The following ERBB4 variants were observed in gnomAD, a reference collection of about 807,000 sequenced individuals.
ERBB4 encodes erb-b2 receptor tyrosine kinase 4.
Under a neutral mutation model 158.0 loss-of-function variants are expected in ERBB4, and 42 were observed. That is an observed-to-expected ratio of 0.27 (90% CI 0.21 to 0.34). The LOEUF is 0.34. Ranked by LOEUF, ERBB4 falls within the 10% of genes least tolerant of loss-of-function variation. ERBB4 has a pLI of 1.00. For synonymous variants in ERBB4, 583 were observed against 558.7 expected, an observed-to-expected ratio of 1.04 and a Z score of -0.61; for missense variants, 1,333 against 1,624.1, an observed-to-expected ratio of 0.82 and a Z score of 3.08.
intron 25 of ERBB4, among the ~76,000 whole-genome samples, chr2:211,390,751 T>C (rs1480685353): frequency 6.6e-6 from 1 of 152,212 alleles, no homozygotes; most frequent in African/African-American, 2.4e-5. Context: ...GTCAGCAACC[T>C]GCCAACTCTG....
chr2:211,820,453 C>G (rs541894501), intron 3 of ERBB4, among the ~76,000 whole-genome samples: 1 of 151,832 alleles, frequency 6.6e-6, no homozygotes, highest in Non-Finnish European at 1.5e-5. Flanking sequence ...TATCTCCCAA[C>G]AAAGAAAAGT....
chr2:211,596,515 C>T, intron 19 of ERBB4, among the ~76,000 whole-genome samples: 1 of 152,140 alleles, frequency 6.6e-6, no homozygotes, highest in African/African-American at 2.4e-5. Context: ...TCACTTTTCT[C>T]TATGTGTCAG....
rs117466844 is a variant in ERBB4, at chr2:212,210,360, A to G, written c.83-85457T>C. Among the ~76,000 whole-genome samples the G allele has an allele frequency of 3.3e-5, 5 of 152,242 alleles. No individual in the cohort carries two copies. The East Asian group carries it at 9.7e-4, about 29-fold the overall frequency. On this transcript the variant is annotated intron_variant, in intron 1 of 27. Transcript: ENST00000342788. ...AAGTAATGAAACTAAAACAGTAAAT[A>G]AAAGAAAAAAATGATGGTAACTAAA...
intron 1 of ERBB4, among the ~76,000 whole-genome samples, chr2:212,361,800 G>A (rs1016940071): frequency 1.3e-5 from 2 of 151,648 alleles, no homozygotes; most frequent in African/African-American, 4.8e-5. Flanking sequence ...ATTCGACAAT[G>A]TCTGGCATGT....
intron 25 of ERBB4, among the ~76,000 whole-genome samples, chr2:211,416,380 G>A (rs577944268): frequency 1.3e-5 from 2 of 152,100 alleles, no homozygotes; most frequent in South Asian, 2.1e-4. Flanking sequence ...ACATGTAATC[G>A]AAAATATTAG....
At chr2:211,531,799 C>A (rs2066508166) in intron 20 of ERBB4, among the ~76,000 whole-genome samples, 1 of 151,992 alleles carries the variant, frequency 6.6e-6, no homozygotes, top group Non-Finnish European at 1.5e-5. Flanking sequence ...CTAGTCATCC[C>A]ACTCCTAGAT....
intron 14 of ERBB4, among the ~76,000 whole-genome samples, chr2:211,668,139 T>A (rs1237370312): frequency 6.6e-6 from 1 of 152,180 alleles, no homozygotes; most frequent in Non-Finnish European, 1.5e-5. Flanking sequence ...CATGTGTGTA[T>A]CTAAACATAT....
intron 6 of ERBB4, among the ~76,000 whole-genome samples, chr2:211,723,014 A>G (rs1349945550): frequency 1.3e-5 from 2 of 152,242 alleles, no homozygotes; most frequent in Non-Finnish European, 2.9e-5. Flanking sequence ...TCGGACTTAA[A>G]GAAAAGGCTC....
At chr2:211,688,113 T>G (rs1459333049) in intron 12 of ERBB4, among the ~76,000 whole-genome samples, 1 of 152,254 alleles carries the variant, frequency 6.6e-6, no homozygotes, top group African/African-American at 2.4e-5. Context: ...CGATTTAGCA[T>G]GACATCGTAT....
At chr2:211,830,136 A>T (rs2077189069) in intron 3 of ERBB4, among the ~76,000 whole-genome samples, 1 of 152,072 alleles carries the variant, frequency 6.6e-6, no homozygotes, top group African/African-American at 2.4e-5. Flanking sequence ...CATATCCCAC[A>T]ACTCTTTCTT....
At chr2:212,094,741 GT>G (rs1259370660) in intron 2 of ERBB4, among the ~76,000 whole-genome samples, 1 of 152,156 alleles carries the variant, frequency 6.6e-6, no homozygotes, top group African/African-American at 2.4e-5. Flanking sequence ...CTGCAGAACT[GT>G]CAGCCAATTA....
At chr2:212,193,743 T>C (rs1430643343) in intron 1 of ERBB4, among the ~76,000 whole-genome samples, 1 of 152,122 alleles carries the variant, frequency 6.6e-6, no homozygotes, top group Non-Finnish European at 1.5e-5. Flanking sequence ...TCATCAATAA[T>C]GGATATCTTA....
At position 211,716,115 on chromosome 2, in the gene ERBB4, C is replaced by A. The variant is rs751397028; in HGVS notation, c.884-2467G>T. Among the ~76,000 whole-genome samples, 63 of 152,114 alleles carry A rather than the reference C, an allele frequency of 4.1e-4. 1 individual carries two copies. The highest frequency in any genetic ancestry group is 3.2e-3 in the Middle Eastern group (1 of 316). On this transcript the variant is annotated intron_variant, in intron 7 of 27. Coordinates refer to ENST00000342788, the MANE Select transcript of ERBB4 (RefSeq NM_005235.3). ...CAGTGGCTCACGCCTGTAATCCCAG[C>A]ACTTTGGGAGGCCGAGGCGGGTGGA...
chr2:212,080,462 A>T (rs574591898), intron 2 of ERBB4, among the ~76,000 whole-genome samples: 20 of 151,790 alleles, frequency 1.3e-4, no homozygotes, highest in South Asian at 8.3e-4. Flanking sequence ...CCATTTTTTT[A>T]AAAAATAATG....
chr2:211,673,231 G>A lies in ERBB4; in HGVS notation c.1649C>T (p.Ser550Phe), dbSNP rs771898021. 3.1e-6 allele frequency: 5 copies of A among 1,613,690 alleles called. No individual in the cohort carries two copies. The highest frequency in any genetic ancestry group is 4.2e-6 in the Non-Finnish European group (5 of 1,179,738). Residue 550 changes from serine to phenylalanine, a missense_variant, in exon 14 of 28, where the codon TCC (serine) becomes TTC (phenylalanine). By Grantham distance (155) the Ser-to-Phe change is radical (BLOSUM62 -2). This residue lies in a region of ERBB4 where 245 missense variants were observed against 247.5 expected (regional missense o/e 0.99). Transcript: ENST00000342788. The part of the protein sequence containing the change: ...DGEFREFENG[S>F]ICVECDPQCE... ...CTGGGGGTCACACTCCACACAGATG[G>A]AGCCATTCTCAAACTCCCGAAATTC...
intron 1 of ERBB4, among the ~76,000 whole-genome samples, chr2:212,271,522 T>C (rs2085342903): frequency 6.6e-6 from 1 of 151,808 alleles, no homozygotes; most frequent in Non-Finnish European, 1.5e-5. Context: ...TTAATAATTT[T>C]CTTACCTATT....
chr2:212,516,080 G>A (rs1174165563), intron 1 of ERBB4, among the ~76,000 whole-genome samples: 1 of 151,758 alleles, frequency 6.6e-6, no homozygotes, highest in Non-Finnish European at 1.5e-5. Flanking sequence ...ACAAAACCTG[G>A]TTATTAAACA....
chr2:211,390,285 C>A (rs377360484), intron 25 of ERBB4, among the ~76,000 whole-genome samples: 32 of 152,256 alleles, frequency 2.1e-4, no homozygotes, highest in Middle Eastern at 3.4e-3. Flanking sequence ...GGCCACTGTC[C>A]TTTGAGAATT....
At chr2:211,721,618 AACATAT>A (rs1219905038) in intron 7 of ERBB4, among the ~76,000 whole-genome samples, 12 of 69,890 alleles carry the variant, frequency 1.7e-4, no homozygotes, top group African/African-American at 9.8e-4. Context: ...TTTGCTATTA[AACATAT>A]ATATATATAT....
Sources: gnomAD v4.1 joint callset for allele counts (sites outside exome capture counted in the v4.1 genomes callset) on GRCh38, gnomAD v4.1.1 for gene constraint, gnomAD v4.1.1 regional missense constraint, MANE v1.5 for transcripts, NCBI Gene and HGNC (gene_info 2026-07-23, HGNC 2026-07-21) for gene names.